The following ARHGAP8 variants were observed in gnomAD, a reference collection of about 807,000 sequenced individuals.
The protein encoded by ARHGAP8 is Rho GTPase activating protein 8, also known as rho GTPase-activating protein 8.
ARHGAP8 carries 62 observed loss-of-function variants against 46.1 expected under a neutral mutation model. The observed-to-expected ratio is 1.34, with a 90% CI of 1.10 to 1.66. The LOEUF is 1.66. ARHGAP8 is among the 40% of genes most tolerant of loss of function. ARHGAP8 has a pLI of 0.00. For missense variants in ARHGAP8, 923 were observed against 568.4 expected (o/e 1.62, Z -6.34); for synonymous variants, 375 against 243.1 (o/e 1.54, Z -5.05).
At chr22:44,860,809 A>G (rs771205078) in intron 11 of ARHGAP8, among the ~76,000 whole-genome samples, 38 of 152,108 alleles carry the variant, frequency 2.5e-4, no homozygotes, top group Non-Finnish European at 5.0e-4. Context: ...CCCCAGACCC[A>G]CGGCCTTGAA....
chr22:44,815,331 G>A (rs957303176), intron 5 of ARHGAP8, among the ~76,000 whole-genome samples: 2 of 152,106 alleles, frequency 1.3e-5, no homozygotes, highest in South Asian at 2.1e-4. Context: ...ATGTAGGCAC[G>A]GAGCATCCAC....
chr22:44,796,677 G>A (rs770500852), intron 2 of ARHGAP8, among the ~76,000 whole-genome samples: 9 of 152,120 alleles, frequency 5.9e-5, no homozygotes, highest in Non-Finnish European at 1.2e-4. Flanking sequence ...TTAACTCCAC[G>A]GGAGAAGTCA....
At position 44,862,258 on chromosome 22, in the gene ARHGAP8, T is replaced by C. The variant is rs1323759116; in HGVS notation, c.982-17T>C. On this transcript the variant is annotated splice_polypyrimidine_tract_variant and intron_variant, in intron 11 of 11. Coordinates refer to ENST00000356099, the MANE Select transcript of ARHGAP8 (RefSeq NM_181335.3). The stretch of plus-strand genomic sequence containing the variant: ...CTTGGTGTTCACTCCCCTTTACTTG[T>C]GTGTGGTTTCCTCCAGGTGTCCCGG... 6.3e-6 allele frequency: 10 copies of C among 1,575,650 alleles called. No homozygotes were observed. The highest frequency in any genetic ancestry group is 4.5e-5 in the East Asian group (2 of 44,364).
rs113592465 is a variant in ARHGAP8 at position 44,849,114 on chromosome 22, C to G, written c.877+54C>G. ...GGGGCTTGGTCCTCAGATGCTGTCCCCCAGCTACTGGCCCAGGGTCAGGCT... is the reference window on the plus strand; with the variant it reads ...GGGGCTTGGTCCTCAGATGCTGTCCGCCAGCTACTGGCCCAGGGTCAGGCT... On this transcript the variant is annotated intron_variant, in intron 10 of 11. Coordinates refer to ENST00000356099, the MANE Select transcript of ARHGAP8 (RefSeq NM_181335.3). The G allele has an allele frequency of 1.1e-5, 18 of 1,607,666 alleles. No homozygotes were observed. In the African/African-American group the frequency reaches 1.5e-4, roughly 13 times the overall value.
chr22:44,753,467 T>C (rs132432), intron 1 of ARHGAP8, among the ~76,000 whole-genome samples: 28,800 of 151,850 alleles, frequency 0.19, 2,994 homozygotes, highest in South Asian at 0.39. Flanking sequence ...GTGATCCGTC[T>C]TCCTGGGCCT....
At chr22:44,813,134 T>C (rs983353524) in intron 4 of ARHGAP8, among the ~76,000 whole-genome samples, 2 of 152,118 alleles carry the variant, frequency 1.3e-5, no homozygotes, top group African/African-American at 4.8e-5. Flanking sequence ...TGGAGAATGC[T>C]ATTTAGAGAC....
chr22:44,785,582 G>A (rs773185866), intron 1 of ARHGAP8, among the ~76,000 whole-genome samples: 2 of 152,002 alleles, frequency 1.3e-5, no homozygotes, highest in Admixed American at 6.5e-5. Context: ...CCAAAGACCC[G>A]ACTTCCAAAT....
In ARHGAP8 at chr22:44,846,495, A is replaced by T. The variant is rs958359401; in HGVS notation, c.670+1153A>T. Among the ~76,000 whole-genome samples, 15 of 152,120 alleles carry T rather than the reference A, an allele frequency of 9.9e-5. 1 individual carries two copies. The South Asian group carries it at 3.1e-3, about 32-fold the overall frequency. ...GGAGACCATCTCCCTCAAACCCCAG[A>T]CCCTGCGGCCCCAGCATTTCCCTCA... On this transcript the variant is annotated intron_variant, in intron 8 of 11. Transcript: ENST00000356099.
rs548086162 is a variant in ARHGAP8, at chr22:44,854,936, G to A, written c.878-4795G>A. Among the ~76,000 whole-genome samples, 76 of 152,092 alleles carry A rather than the reference G, an allele frequency of 5.0e-4. 2 individuals carry two copies. The South Asian group carries it at 0.014, about 28-fold the overall frequency. On this transcript the variant is annotated intron_variant, in intron 10 of 11. Coordinates refer to ENST00000356099, the MANE Select transcript of ARHGAP8 (RefSeq NM_181335.3). ...GCTGGGATTACAGGCGTGAGCCACCGTGCCCAACCTATACAGCTGTTTTTA... is the reference window on the plus strand; with the variant it reads ...GCTGGGATTACAGGCGTGAGCCACCATGCCCAACCTATACAGCTGTTTTTA...
chr22:44,760,696 A>T (rs546008190), intron 1 of ARHGAP8, among the ~76,000 whole-genome samples: 1 of 152,250 alleles, frequency 6.6e-6, no homozygotes. Flanking sequence ...TGTAATGTGC[A>T]AATATATTTT....
At chr22:44,785,390 C>T (rs1927142903) in intron 1 of ARHGAP8, among the ~76,000 whole-genome samples, 1 of 152,144 alleles carries the variant, frequency 6.6e-6, no homozygotes, top group African/African-American at 2.4e-5. Context: ...GCTGCACTTT[C>T]CCGAAGGCTC....
chr22:44,754,373 T>TGA (rs71857186), intron 1 of ARHGAP8, among the ~76,000 whole-genome samples: 4,823 of 147,480 alleles, frequency 0.033, 110 homozygotes, highest in East Asian at 0.064. Flanking sequence ...TGTGTGTGTG[T>TGA]GACGCAGTTT....
At chr22:44,815,799 C>T (rs1027840007) in intron 5 of ARHGAP8, among the ~76,000 whole-genome samples, 4 of 152,076 alleles carry the variant, frequency 2.6e-5, no homozygotes, top group South Asian at 2.1e-4. Flanking sequence ...TATTTTCTTC[C>T]GTTTTGGCTG....
intron 7 of ARHGAP8, among the ~76,000 whole-genome samples, chr22:44,843,057 G>A (rs887197481): frequency 1.3e-5 from 2 of 152,158 alleles, no homozygotes; most frequent in Non-Finnish European, 1.5e-5. Flanking sequence ...GCATCCAGAG[G>A]TGGGCAGTTG....
rs182180929 is a variant in ARHGAP8, at chr22:44,815,980, A to G, written c.386+1222A>G. Among the ~76,000 whole-genome samples the G allele has an allele frequency of 2.2e-3, 342 of 152,250 alleles. 3 individuals carry two copies. The highest frequency in any genetic ancestry group is 7.7e-3 in the African/African-American group (318 of 41,534). On this transcript the variant is annotated intron_variant, in intron 5 of 11. Coordinates refer to ENST00000356099, the MANE Select transcript of ARHGAP8 (RefSeq NM_181335.3). ...GCAGGTGTGCACCAGACGGGTCAGG[A>G]TAGCCAGGTGAGGTGGCTGCCTCTG... is the stretch of plus-strand genomic sequence containing the variant.
chr22:44,780,312 G>A (rs1164975428), intron 1 of ARHGAP8, among the ~76,000 whole-genome samples: 1 of 151,992 alleles, frequency 6.6e-6, no homozygotes, highest in Non-Finnish European at 1.5e-5. Context: ...AGCTGTGATT[G>A]CGCCACTGCA....
At chr22:44,755,564 T>A (rs1924600255) in intron 1 of ARHGAP8, among the ~76,000 whole-genome samples, 1 of 152,226 alleles carries the variant, frequency 6.6e-6, no homozygotes, top group South Asian at 2.1e-4. Context: ...GGGACTTAGC[T>A]GCAGGAGAGC....
rs1163435895 is a variant in ARHGAP8 at position 44,862,574 on chromosome 22, G to A, written c.1281G>A (p.Met427Ile). 4.4e-6 allele frequency: 7 copies of A among 1,590,210 alleles called. No homozygotes were observed. Among genetic ancestry groups the A allele is most frequent in the East Asian group, 2.3e-5 (1 of 44,242 alleles). ...TKPTLPPSPLMAARRRL is the reference protein window; with the variant it reads ...TKPTLPPSPLIAARRRL ...CTACCCTACCTCCGAGTCCCCTGAT[G>A]GCAGCCAGAAGACGTCTCTAGTGTT... Residue 427 changes from methionine (M) to isoleucine (I), a missense_variant, in exon 12 of 12, where the codon ATG becomes ATA. Met to Ile is a conservative substitution (Grantham distance 10). Transcript: ENST00000356099.
chr22:44,832,054 G>A (rs1930983149), intron 7 of ARHGAP8, among the ~76,000 whole-genome samples: 4 of 152,000 alleles, frequency 2.6e-5, no homozygotes, highest in Admixed American at 1.3e-4. Flanking sequence ...TGAGGGTATT[G>A]CCATCTTGAA....
Sources: gnomAD v4.1 joint callset for allele counts (sites outside exome capture counted in the v4.1 genomes callset) on GRCh38, gnomAD v4.1.1 for gene constraint, MANE v1.5 for transcripts, NCBI Gene and HGNC (gene_info 2026-07-23, HGNC 2026-07-21) for gene names.